SYCE1L: variants seen among roughly 807,000 people sequenced by gnomAD.
SYCE1L encodes the protein synaptonemal complex central element protein 1-like.
Under a neutral mutation model 39.6 loss-of-function variants are expected in SYCE1L, and 51 were observed. That is an observed-to-expected ratio of 1.29 (90% CI 1.03 to 1.63). The LOEUF (loss-of-function observed/expected upper bound fraction) is 1.63. SYCE1L is among the 40% of genes most tolerant of loss of function. SYCE1L has a pLI of 0.00. For missense variants in SYCE1L, 426 were observed against 304.9 expected, an observed-to-expected ratio of 1.40 and a Z score of -2.96; for synonymous variants, 147 against 122.4, an observed-to-expected ratio of 1.20 and a Z score of -1.33.
In SYCE1L at chr16:77,213,071, C is replaced by A; in HGVS notation, c.*140C>A. 1.1e-6 allele frequency: 1 copy of A among 907,504 alleles called. No homozygotes were observed. The highest frequency in any genetic ancestry group is 1.5e-6 in the Non-Finnish European group (1 of 673,866). The allele number at this position is 907,504 out of a possible 1,614,324, so 56.2% of individuals were successfully genotyped here. A position where few individuals can be genotyped will look rare whatever the true frequency, so the allele number is the denominator to read the frequency against. ...GGCGGGGCGTGCTGGGATCTCGAGG[C>A]GGGGCCTCTGCCGGACCCCTCCCAC... is the stretch of plus-strand genomic sequence containing the variant. On this transcript the variant is annotated 3_prime_UTR_variant, in exon 11 of 11. Coordinates refer to ENST00000378644, the MANE Select transcript of SYCE1L (RefSeq NM_001129979.3).
At chr16:77,205,934 G>C (rs886438417) in intron 1 of SYCE1L, among the ~76,000 whole-genome samples, 1 of 152,054 alleles carries the variant, frequency 6.6e-6, no homozygotes, top group Non-Finnish European at 1.5e-5. Context: ...CTTTGAGCTG[G>C]AGCTGCAGGG....
In SYCE1L at chr16:77,211,252, G is replaced by A. The variant is rs769488941; in HGVS notation, c.399G>A (p.Gln133=). Reference sequence around the variant, plus strand: ...GACAGCTGGAGGATCTGATGGGCCAGCACAAGGACCTCTGGGAATTCCACG... The same window carrying A: ...GACAGCTGGAGGATCTGATGGGCCAACACAAGGACCTCTGGGAATTCCACG... ...VRGQLEDLMG[Q]HKDLWEFHML... is the part of the protein sequence containing the mutation. Residue 133 remains glutamine (Q), a synonymous_variant, in exon 7 of 11, where the codon CAG becomes CAA. Coordinates refer to ENST00000378644, the MANE Select transcript of SYCE1L (RefSeq NM_001129979.3). 6.4e-7 allele frequency: 1 copy of A among 1,551,940 alleles called. No homozygotes were observed. Among genetic ancestry groups the A allele is most frequent in the East Asian group, 2.4e-5 (1 of 40,912 alleles).
intron 1 of SYCE1L, chr16:77,201,264 C>T (rs888269138): frequency 2.6e-5 from 4 of 152,142 alleles, no homozygotes; most frequent in African/African-American, 9.7e-5. Context: ...GGAAATAAGA[C>T]AGATGCAAAT....
intron 5 of SYCE1L, 59 bp from the exon 6 acceptor site, chr16:77,209,358 C>G: frequency 6.5e-7 from 1 of 1,540,598 alleles, no homozygotes; most frequent in South Asian, 1.2e-5. Flanking sequence ...CCTATTACCT[C>G]TGGCCAACCC....
At position 77,205,433 on chromosome 16, in the gene SYCE1L, A is replaced by AATATATATATATATATATGTATAT. The variant is rs145238524; in HGVS notation, c.62-992_62-991insATGTATATATATATATATATATAT. Among the ~76,000 whole-genome samples the AATATATATATATATATATGTATAT allele has an allele frequency of 5.6e-3, 811 of 145,264 alleles. 20 individuals are homozygous for AATATATATATATATATATGTATAT. The highest frequency in any genetic ancestry group is 0.033 in the Admixed American group (476 of 14,554). The stretch of plus-strand genomic sequence containing the variant: ...TCATGTTAAAATATACATAGAAGTA[A>AATATATATATATATATATGTATAT]ATATATATATATATATGTATACATA... On this transcript the variant is annotated intron_variant, in intron 1 of 10. Coordinates refer to ENST00000378644, the MANE Select transcript of SYCE1L (RefSeq NM_001129979.3).
At chr16:77,209,858 C>T in intron 6 of SYCE1L, among the ~76,000 whole-genome samples, 1 of 152,184 alleles carries the variant, frequency 6.6e-6, no homozygotes, top group Non-Finnish European at 1.5e-5. Context: ...ACTCATTCAT[C>T]CATTCATCCA....
At position 77,209,447 on chromosome 16, in the gene SYCE1L, A is replaced by G; in HGVS notation, c.335A>G (p.Gln112Arg). ...EALRILQMHC[Q>R]EKESEAQRLD... ...CTGAGGATCCTCCAGATGCACTGCC[A>G]AGAGAAGGAAAGCGAGGCTCAGAGG... Residue 112 changes from glutamine to arginine, a missense_variant, in exon 6 of 11, where the codon CAA (glutamine) becomes CGA (arginine). Physicochemically the swap from Gln to Arg is conservative, Grantham distance 43. Transcript: ENST00000378644. 1 of 1,551,752 alleles carries G rather than the reference A, an allele frequency of 6.4e-7. No homozygotes were observed. The highest frequency in any genetic ancestry group is 8.7e-7 in the Non-Finnish European group (1 of 1,147,008).
intron 2 of SYCE1L, among the ~76,000 whole-genome samples, chr16:77,206,874 T>C (rs1295003867): frequency 6.6e-6 from 1 of 152,198 alleles, no homozygotes; most frequent in African/African-American, 2.4e-5. Flanking sequence ...GAAATGCAGT[T>C]GGTTTTGCAC....
chr16:77,206,290 G>A (rs1052020609), intron 1 of SYCE1L, 151 bp from the exon 2 acceptor site: 3 of 649,424 alleles, frequency 4.6e-6, no homozygotes, highest in African/African-American at 1.8e-5. Flanking sequence ...GGCAAGAGAC[G>A]GGGGCCCTGC....
In SYCE1L at chr16:77,208,315, G is replaced by A. The variant is rs543362090; in HGVS notation, c.181+46G>A. On this transcript the variant is annotated intron_variant, in intron 3 of 10. Transcript: ENST00000378644. ...TGGCCAGCTGGGGCGAGCAGGAAGT[G>A]ACTGGATTTATAATGAATCCACCTC... The A allele has an allele frequency of 1.9e-6, 3 of 1,548,354 alleles. No individual in the cohort carries two copies. The Admixed American group carries it at 5.9e-5, about 31-fold the overall frequency.
intron 7 of SYCE1L, among the ~76,000 whole-genome samples, chr16:77,211,663 T>TC (rs2054823370): frequency 1.3e-5 from 2 of 152,092 alleles, no homozygotes; most frequent in Admixed American, 1.3e-4. Context: ...GGGTAGCAGA[T>TC]CAAAGAGTCC....
intron 9 of SYCE1L, 63 bp downstream of exon 9, chr16:77,212,432 G>C (rs2054831151): frequency 1.3e-6 from 2 of 1,533,902 alleles, no homozygotes; most frequent in East Asian, 4.9e-5. Context: ...AACCCGCCCA[G>C]GTCCCCCGCT....
chr16:77,205,106 A>G (rs141838774), intron 1 of SYCE1L, among the ~76,000 whole-genome samples: 2 of 151,634 alleles, frequency 1.3e-5, no homozygotes, highest in Non-Finnish European at 2.9e-5. Flanking sequence ...TATACATTGA[A>G]TTATCTCCAG....
At position 77,211,277 on chromosome 16, in the gene SYCE1L, G is replaced by C; in HGVS notation, c.423+1G>C. On this transcript the variant is annotated splice_donor_variant, in intron 7 of 10. Coordinates refer to ENST00000378644, the MANE Select transcript of SYCE1L (RefSeq NM_001129979.3). LOFTEE classifies it high-confidence loss of function. Reference sequence around the variant, plus strand: ...GCACAAGGACCTCTGGGAATTCCACGTGAGCCATTATCATTGCCTGCAACC... The same window carrying C: ...GCACAAGGACCTCTGGGAATTCCACCTGAGCCATTATCATTGCCTGCAACC... 1 of 1,551,890 alleles carries C rather than the reference G, an allele frequency of 6.4e-7. No individual in the cohort carries two copies. Among genetic ancestry groups the C allele is most frequent in the Non-Finnish European group, 8.7e-7 (1 of 1,147,028 alleles).
At chr16:77,203,011 TA>T (rs1308121598) in intron 1 of SYCE1L, among the ~76,000 whole-genome samples, 11 of 152,130 alleles carry the variant, frequency 7.2e-5, no homozygotes, top group Non-Finnish European at 1.3e-4. Context: ...TTTTTAAAAT[TA>T]AAAAAATCTC....
At chr16:77,201,784 TATTAA>T (rs1193028055) in intron 1 of SYCE1L, 4 of 152,164 alleles carry the variant, frequency 2.6e-5, no homozygotes, top group African/African-American at 7.2e-5. Flanking sequence ...AATTTAAATG[TATTAA>T]ATTATAAGTT....
intron 1 of SYCE1L, chr16:77,201,814 T>C (rs2054746507): frequency 6.6e-6 from 1 of 152,216 alleles, no homozygotes; most frequent in African/African-American, 2.4e-5. Context: ...TTTAAATGTA[T>C]TAAAATTAAA....
chr16:77,208,546 G>T lies in SYCE1L; in HGVS notation c.256+7G>T. On this transcript the variant is annotated splice_region_variant and intron_variant, in intron 4 of 10. Transcript: ENST00000378644. Reference sequence around the variant, plus strand: ...CATAGGGAATTAGACTCCTGTAAGTGGGGCCAAAAGAGGGACCCATCAACA... The same window carrying T: ...CATAGGGAATTAGACTCCTGTAAGTTGGGCCAAAAGAGGGACCCATCAACA... 1 of 1,551,618 alleles carries T rather than the reference G, an allele frequency of 6.4e-7. No individual in the cohort carries two copies.
intron 1 of SYCE1L, chr16:77,199,833 A>C: frequency 4.3e-6 from 1 of 233,606 alleles, no homozygotes; most frequent in Non-Finnish European, 8.3e-6. Context: ...ACCGTGCTGC[A>C]GCCACCCCTT....
Sources: gnomAD v4.1 joint callset for allele counts (sites outside exome capture counted in the v4.1 genomes callset) on GRCh38, gnomAD v4.1.1 for gene constraint, MANE v1.5 for transcripts, NCBI Gene and HGNC (gene_info 2026-07-23, HGNC 2026-07-21) for gene names.